CASZ1: variants seen among roughly 807,000 people sequenced by gnomAD.
The protein encoded by CASZ1 is zinc finger protein castor homolog 1.
A neutral mutation model predicts 135.2 loss-of-function variants in CASZ1; 28 were observed. The ratio of observed to expected loss-of-function variants is 0.21; its 90% CI spans 0.15 to 0.28. The LOEUF is 0.28. Among genes scored for constraint, CASZ1 ranks in the 10% least tolerant of loss-of-function variants. The probability of loss-of-function intolerance (pLI) is 1.00; values close to 1 mark genes in which losing one functional copy is unlikely to be tolerated. For synonymous variants in CASZ1, 1,068 were observed against 1,073.4 expected, an observed-to-expected ratio of 0.99 and a Z score of 0.10; for missense variants, 2,161 against 2,453.3, an observed-to-expected ratio of 0.88 and a Z score of 2.52.
Position 10,657,134 on chromosome 1 carries a change from GA to G in CASZ1, c.1410-399del, listed in dbSNP as rs201175381. Among the ~76,000 whole-genome samples the G allele has an allele frequency of 6.0e-3, 911 of 152,372 alleles. 8 individuals carry two copies. The highest frequency in any genetic ancestry group is 0.021 in the African/African-American group (855 of 41,584). ...GCTGGGCCAGCCGGGCTCTGATGCTGAGAGGTGTTAAAGGGCTCTCTCTGTC... is the reference window on the plus strand; with the variant it reads ...GCTGGGCCAGCCGGGCTCTGATGCTGGAGGTGTTAAAGGGCTCTCTCTGTC... On this transcript the variant is annotated intron_variant, in intron 7 of 20. Transcript: ENST00000377022. The surrounding 1 kb of genome is among the most constrained non-coding windows in gnomAD (Gnocchi z 5.7).
At chr1:10,640,351 G>C (rs1642160141) in intron 20 of CASZ1, among the ~76,000 whole-genome samples, 1 of 152,244 alleles carries the variant, frequency 6.6e-6, no homozygotes, top group Non-Finnish European at 1.5e-5. Context: ...CTGCTTCCTG[G>C]CCAGTTTGGG....
rs1442977110 is a variant in CASZ1, at chr1:10,654,232, T to G, written c.1839-14A>C. The G allele has an allele frequency of 6.2e-7, 1 of 1,612,560 alleles. No individual in the cohort carries two copies. Among genetic ancestry groups the G allele is most frequent in the Non-Finnish European group, 8.5e-7 (1 of 1,179,196 alleles). On this transcript the variant is annotated splice_polypyrimidine_tract_variant and intron_variant, in intron 10 of 20. Coordinates refer to ENST00000377022, the MANE Select transcript of CASZ1 (RefSeq NM_001079843.3). ...CAGCCGGGGCGCCTGGATGGGACAT[T>G]GGGAGCCTGTCATGAGACCCAGAGG...
intron 18 of CASZ1, 95 bp from the exon 19 acceptor site, chr1:10,643,406 G>A: frequency 7.3e-7 from 1 of 1,365,498 alleles, no homozygotes; most frequent in Admixed American, 2.0e-5. Context: ...TGGGGGCAGT[G>A]TGGTCAGTAA....
intron 1 of CASZ1, among the ~76,000 whole-genome samples, chr1:10,783,245 AAG>A (rs1491096253): frequency 2.7e-5 from 2 of 74,778 alleles, no homozygotes; most frequent in Admixed American, 1.3e-4. Context: ...GCCAGTGGAG[AAG>A]TGTGTGTGTG....
At position 10,665,147 on chromosome 1, in the gene CASZ1, C is replaced by T. The variant is rs1239491942; in HGVS notation, c.441G>A (p.Glu147=). Residue 147 remains glutamate, a synonymous_variant, in exon 5 of 21, where the codon GAG becomes GAA. Transcript: ENST00000377022. ...AGGCTGCCCCGTCCGAATCCTTCTC[C>T]TCCAGGGCACCGCCGTCCTTGGAGG... is the stretch of plus-strand genomic sequence containing the variant. ...EEPSKDGGAL[E]EKDSDGAASK... 1.3e-6 allele frequency: 2 copies of T among 1,536,844 alleles called. No homozygotes were observed. The highest frequency in any genetic ancestry group is 1.8e-6 in the Non-Finnish European group (2 of 1,139,716).
In CASZ1 at chr1:10,665,536, T is replaced by C. The variant is rs758549664; in HGVS notation, c.52A>G (p.Lys18Glu). The change falls in exon 5 of 21, where the codon AAG becomes GAG. Residue 18 changes from lysine (K) to glutamate (E), a missense_variant. Lys to Glu is a moderately conservative substitution (Grantham distance 56). This residue lies in a region of CASZ1 where 590 missense variants were observed against 609.8 expected (regional missense o/e 0.97). Transcript: ENST00000377022. ...TTGCGTTTGGGCGCCATGGCGGGCT[T>C]GCCTGCAGGCGGGTCCGTGCACCGG... The part of the protein sequence containing the change: ...GTRCTDPPAG[K>E]PAMAPKRKGG... 5 of 1,591,854 alleles carry C rather than the reference T, an allele frequency of 3.1e-6. No individual in the cohort carries two copies. In the South Asian group the frequency reaches 5.6e-5, roughly 18 times the overall value.
intron 20 of CASZ1, among the ~76,000 whole-genome samples, chr1:10,641,419 G>A (rs767384106): frequency 2.0e-5 from 3 of 152,214 alleles, no homozygotes; most frequent in Non-Finnish European, 4.4e-5. Context: ...CCGAGCCCGG[G>A]TGGTGTCTAC....
chr1:10,783,240 T>C (rs1022189232), intron 1 of CASZ1, among the ~76,000 whole-genome samples: 1 of 119,272 alleles, frequency 8.4e-6, no homozygotes, highest in Non-Finnish European at 1.8e-5. Flanking sequence ...GCTAGGCCAG[T>C]GGAGAAGTGT....
At position 10,767,534 on chromosome 1, in the gene CASZ1, G is replaced by A. The variant is rs1027643978; in HGVS notation, c.-233-6677C>T. On this transcript the variant is annotated intron_variant, in intron 1 of 20. Coordinates refer to ENST00000377022, the MANE Select transcript of CASZ1 (RefSeq NM_001079843.3). The surrounding 1 kb of genome is among the most constrained non-coding windows in gnomAD (Gnocchi z 4.2). The stretch of plus-strand genomic sequence containing the variant: ...GGGAAGCAGAGAGCCGGAGGAGTCA[G>A]CAGCTGCCTGCCCCGAGAGGTTTGG... Among the ~76,000 whole-genome samples the A allele has an allele frequency of 2.0e-5, 3 of 152,214 alleles. No individual in the cohort carries two copies. The highest frequency in any genetic ancestry group is 4.4e-5 in the Non-Finnish European group (3 of 68,034).
rs1255476328 is a variant in CASZ1, at chr1:10,649,299, T to C, written c.3019A>G (p.Lys1007Glu). 6.3e-7 allele frequency: 1 copy of C among 1,597,932 alleles called. No homozygotes were observed. Residue 1007 changes from lysine (K) to glutamate (E), a missense_variant, in exon 14 of 21, where the codon AAG becomes GAG. By Grantham distance (56) the Lys-to-Glu change is moderately conservative. Transcript: ENST00000377022. Reference protein sequence around the residue: ...LVQEKLAEPWKVYLRRFGTKD... With the variant: ...LVQEKLAEPWEVYLRRFGTKD... Reference sequence around the variant, plus strand: ...GCCCCTCACCTGCGCAGGTACACCTTCCAGGGCTCTGCCAACTTCTCCTGA... The same window carrying C: ...GCCCCTCACCTGCGCAGGTACACCTCCCAGGGCTCTGCCAACTTCTCCTGA...
At position 10,697,378 on chromosome 1, in the gene CASZ1, C is replaced by T. The variant is rs1027426838; in HGVS notation, c.-23-3466G>A. Among the ~76,000 whole-genome samples, 2 of 152,062 alleles carry T rather than the reference C, an allele frequency of 1.3e-5. No homozygotes were observed. The highest frequency in any genetic ancestry group is 6.5e-5 in the Admixed American group (1 of 15,282). On this transcript the variant is annotated intron_variant, in intron 3 of 20. Coordinates refer to ENST00000377022, the MANE Select transcript of CASZ1 (RefSeq NM_001079843.3). This position sits in a 1 kb window ranked among gnomAD's most constrained non-coding sequence, Gnocchi z 4.7. ...CAGGCCACAGTGAGGACCTTCATGCCCGGGACTCAAGGGATGGAAGTCCAA... is the reference window on the plus strand; with the variant it reads ...CAGGCCACAGTGAGGACCTTCATGCTCGGGACTCAAGGGATGGAAGTCCAA...
Position 10,721,599 on chromosome 1 carries a change from G to A in CASZ1, c.-76-16055C>T, listed in dbSNP as rs1362598932. Among the ~76,000 whole-genome samples, 1 of 152,194 alleles carries A rather than the reference G, an allele frequency of 6.6e-6. No homozygotes were observed. Among genetic ancestry groups the A allele is most frequent in the Non-Finnish European group, 1.5e-5 (1 of 68,030 alleles). On this transcript the variant is annotated intron_variant, in intron 2 of 20. Coordinates refer to ENST00000377022, the MANE Select transcript of CASZ1 (RefSeq NM_001079843.3). The surrounding 1 kb of genome is among the most constrained non-coding windows in gnomAD (Gnocchi z 5.4). ...AAACAGGGCAACTGGCTACCTGCCA[G>A]CGTGGCCCCCTTGCCATCAGAGCCC...
intron 4 of CASZ1, among the ~76,000 whole-genome samples, chr1:10,686,407 TG>T (rs1218233234): frequency 6.6e-6 from 1 of 152,154 alleles, no homozygotes. Flanking sequence ...GGGGCAGCCC[TG>T]GGGGGGCTTG....
intron 1 of CASZ1, among the ~76,000 whole-genome samples, chr1:10,769,433 A>G (rs964021202): frequency 2.0e-5 from 3 of 152,250 alleles, no homozygotes; most frequent in African/African-American, 4.8e-5. Context: ...GTTTAGATAG[A>G]TAACTCATCA....
chr1:10,761,461 C>T (rs911906614), intron 1 of CASZ1, among the ~76,000 whole-genome samples: 12 of 152,092 alleles, frequency 7.9e-5, no homozygotes, highest in Non-Finnish European at 1.6e-4. Context: ...TACTGTGGGA[C>T]TCAATTTCAT....
At chr1:10,705,447 A>G (rs1182707887) in intron 3 of CASZ1, 45 bp downstream of exon 3, 1 of 152,334 alleles carries the variant, frequency 6.6e-6, no homozygotes, top group African/African-American at 2.4e-5. Context: ...AGTGGTCACC[A>G]GTCGGGGAGA....
At position 10,759,598 on chromosome 1, in the gene CASZ1, G is replaced by T. The variant is rs1640324909; in HGVS notation, c.-77+1103C>A. Among the ~76,000 whole-genome samples, 2 of 152,162 alleles carry T rather than the reference G, an allele frequency of 1.3e-5. No homozygotes were observed. Among genetic ancestry groups the T allele is most frequent in the Non-Finnish European group, 2.9e-5 (2 of 68,030 alleles). On this transcript the variant is annotated intron_variant, in intron 2 of 20. Coordinates refer to ENST00000377022, the MANE Select transcript of CASZ1 (RefSeq NM_001079843.3). The surrounding 1 kb of genome is among the most constrained non-coding windows in gnomAD (Gnocchi z 4.2). ...GGAGGCATGGCCTGGATTCAGGCAG[G>T]TCTGCAGCTTCAGGGACCTACCAAA...
At position 10,735,097 on chromosome 1, in the gene CASZ1, G is replaced by A. The variant is rs1301838840; in HGVS notation, c.-77+25604C>T. On this transcript the variant is annotated intron_variant, in intron 2 of 20. Coordinates refer to ENST00000377022, the MANE Select transcript of CASZ1 (RefSeq NM_001079843.3). The surrounding 1 kb of genome is among the most constrained non-coding windows in gnomAD (Gnocchi z 5.1). The stretch of plus-strand genomic sequence containing the variant: ...CACAAAAGAAATTGAACACTTTTGA[G>A]TTGCCCTTAGCAACCTAATTGCATC... Among the ~76,000 whole-genome samples the A allele has an allele frequency of 6.6e-6, 1 of 152,174 alleles. No homozygotes were observed. Among genetic ancestry groups the A allele is most frequent in the Non-Finnish European group, 1.5e-5 (1 of 68,034 alleles).
intron 1 of CASZ1, among the ~76,000 whole-genome samples, chr1:10,785,926 TC>T (rs1640851211): frequency 6.6e-6 from 1 of 152,186 alleles, no homozygotes. Context: ...TGACGGGAAT[TC>T]CAAGTCCCAT....
Sources: allele counts gnomAD v4.1 joint callset (sites outside exome capture counted in the v4.1 genomes callset), GRCh38; gene constraint gnomAD v4.1.1; regional missense constraint gnomAD v4.1.1; non-coding constraint Gnocchi (gnomAD v3.1); transcripts MANE v1.5; gene names NCBI Gene and HGNC (gene_info 2026-07-23, HGNC 2026-07-21).